The following ASTN2 variants were observed in gnomAD, a reference collection of about 807,000 sequenced individuals.
The protein encoded by ASTN2 is astrotactin-2.
A neutral mutation model predicts 139.8 loss-of-function variants in ASTN2; 54 were observed. The ratio of observed to expected loss-of-function variants is 0.39; its 90% CI spans 0.31 to 0.48. The LOEUF (loss-of-function observed/expected upper bound fraction) is 0.48, where lower values mean the gene tolerates loss of function less well. Ranked by LOEUF, ASTN2 falls within the 20% of genes least tolerant of loss-of-function variation. The pLI is 0.95. For synonymous variants in ASTN2, 756 were observed against 719.5 expected, an observed-to-expected ratio of 1.05 and a Z score of -0.81; for missense variants, 1,565 against 1,725.1, an observed-to-expected ratio of 0.91 and a Z score of 1.64.
intron 10 of ASTN2, among the ~76,000 whole-genome samples, chr9:116,966,087 A>G (rs1836003146): frequency 6.6e-6 from 1 of 152,114 alleles, no homozygotes; most frequent in African/African-American, 2.4e-5. Context: ...CCAAAATCAT[A>G]CTTTCATGTG....
At chr9:116,775,765 G>A (rs1322038002) in intron 13 of ASTN2, among the ~76,000 whole-genome samples, 1 of 107,708 alleles carries the variant, frequency 9.3e-6, no homozygotes, top group Non-Finnish European at 2.0e-5. Flanking sequence ...GGAGGGAGGA[G>A]GAAAGGGGGA....
intron 2 of ASTN2, among the ~76,000 whole-genome samples, chr9:117,251,907 G>A (rs1322638791): frequency 6.6e-6 from 1 of 152,156 alleles, no homozygotes; most frequent in Non-Finnish European, 1.5e-5. Context: ...CAGGAATTGG[G>A]AGCTCACTAA....
At chr9:117,182,767 AGTGTCTCG>A (rs1831106929) in intron 3 of ASTN2, among the ~76,000 whole-genome samples, 1 of 151,800 alleles carries the variant, frequency 6.6e-6, no homozygotes, top group Non-Finnish European at 1.5e-5. Context: ...TTCAGCTTGC[AGTGTCTCG>A]GTGCCCCCAT....
At chr9:116,732,741 A>G (rs1432348646) in intron 14 of ASTN2, among the ~76,000 whole-genome samples, 1 of 152,206 alleles carries the variant, frequency 6.6e-6, no homozygotes, top group Non-Finnish European at 1.5e-5. Flanking sequence ...CCCAGTGGAG[A>G]GAGAAAGTGG....
chr9:116,444,657 T>C (rs1847932572), intron 20 of ASTN2, among the ~76,000 whole-genome samples: 1 of 152,082 alleles, frequency 6.6e-6, no homozygotes, highest in Non-Finnish European at 1.5e-5. Context: ...AACTTCTTGG[T>C]ACAAAGGAAG....
chr9:116,542,472 G>T (rs980210126), intron 19 of ASTN2, among the ~76,000 whole-genome samples: 1 of 151,716 alleles, frequency 6.6e-6, no homozygotes, highest in South Asian at 2.1e-4. Flanking sequence ...TCATTGCAAG[G>T]GTATTAGAAA....
At chr9:117,354,689 C>T (rs1587975606) in intron 1 of ASTN2, among the ~76,000 whole-genome samples, 1 of 151,716 alleles carries the variant, frequency 6.6e-6, no homozygotes, top group South Asian at 2.1e-4. Flanking sequence ...AGACTCCATC[C>T]CTCCTCCTTC....
intron 20 of ASTN2, among the ~76,000 whole-genome samples, chr9:116,449,527 T>C (rs894726557): frequency 6.6e-6 from 1 of 152,216 alleles, no homozygotes; most frequent in African/African-American, 2.4e-5. Flanking sequence ...GTTAGCATAA[T>C]TGTTATTCAA....
intron 10 of ASTN2, among the ~76,000 whole-genome samples, chr9:116,943,319 TAA>T (rs1000153487): frequency 2.0e-5 from 3 of 152,032 alleles, no homozygotes; most frequent in Non-Finnish European, 4.4e-5. Flanking sequence ...AGGCTCAGAG[TAA>T]AGAGACACAG....
chr9:117,291,222 G>T lies in ASTN2; in HGVS notation c.630+104C>A, dbSNP rs893269532. On this transcript the variant is annotated intron_variant, in intron 2 of 22. Transcript: ENST00000313400. The stretch of plus-strand genomic sequence containing the variant: ...TTTCTCATTCTAACCTCTTGAGTTT[G>T]GTTCTTTCCTTCCATCTGTGGACAA... The T allele has an allele frequency of 7.9e-5, 111 of 1,406,542 alleles. 1 individual carries two copies. Among genetic ancestry groups the T allele is most frequent in the Non-Finnish European group, 9.2e-5 (95 of 1,033,202 alleles). 87.1% of individuals were successfully genotyped at this position (1,406,542 alleles called of 1,614,324 possible).
At chr9:117,367,406 C>G (rs754153953) in intron 1 of ASTN2, among the ~76,000 whole-genome samples, 7 of 152,164 alleles carry the variant, frequency 4.6e-5, no homozygotes, top group Admixed American at 2.0e-4. Flanking sequence ...CACTTACCAG[C>G]TCTGTGACCA....
At chr9:116,515,816 G>T (rs1339136256) in intron 19 of ASTN2, among the ~76,000 whole-genome samples, 1 of 152,142 alleles carries the variant, frequency 6.6e-6, no homozygotes, top group African/African-American at 2.4e-5. Flanking sequence ...TAATAAAGAT[G>T]AAACATTTAA....
At chr9:117,189,410 T>G (rs577001034) in intron 3 of ASTN2, among the ~76,000 whole-genome samples, 1 of 152,128 alleles carries the variant, frequency 6.6e-6, no homozygotes, top group Non-Finnish European at 1.5e-5. Context: ...AGAAACAGAA[T>G]GTCCACATCA....
At chr9:117,138,278 T>C (rs1406534535) in intron 4 of ASTN2, among the ~76,000 whole-genome samples, 1 of 152,060 alleles carries the variant, frequency 6.6e-6, no homozygotes, top group East Asian at 1.9e-4. Flanking sequence ...TGGGTAGTCA[T>C]GGAAGTTGGT....
At chr9:117,268,736 G>A (rs572601750) in intron 2 of ASTN2, among the ~76,000 whole-genome samples, 11 of 152,290 alleles carry the variant, frequency 7.2e-5, no homozygotes, top group African/African-American at 2.6e-4. Flanking sequence ...ACAGATCGGG[G>A]TTTGAAATCT....
At chr9:117,062,056 G>T (rs547486059) in intron 5 of ASTN2, among the ~76,000 whole-genome samples, 3 of 152,276 alleles carry the variant, frequency 2.0e-5, no homozygotes, top group Admixed American at 6.5e-5. Flanking sequence ...GGGATCTCAC[G>T]CAAGGTTTGA....
intron 10 of ASTN2, among the ~76,000 whole-genome samples, chr9:116,868,791 C>T (rs1025475548): frequency 6.6e-6 from 1 of 152,234 alleles, no homozygotes; most frequent in East Asian, 1.9e-4. Flanking sequence ...TGGCTCCCAG[C>T]CATGCTTAGC....
intron 3 of ASTN2, among the ~76,000 whole-genome samples, chr9:117,150,399 C>T (rs1425677598): frequency 6.6e-6 from 1 of 152,184 alleles, no homozygotes; most frequent in Non-Finnish European, 1.5e-5. Flanking sequence ...AAAGGTTGGG[C>T]TGGAGTTGAT....
intron 4 of ASTN2, among the ~76,000 whole-genome samples, chr9:117,098,577 A>T (rs1454643347): frequency 6.6e-6 from 1 of 152,026 alleles, no homozygotes; most frequent in Non-Finnish European, 1.5e-5. Flanking sequence ...CACTTCCCCA[A>T]TCCCCAGCAA....
Sources: gnomAD v4.1 joint callset for allele counts (sites outside exome capture counted in the v4.1 genomes callset) on GRCh38, gnomAD v4.1.1 for gene constraint, MANE v1.5 for transcripts, NCBI Gene and HGNC (gene_info 2026-07-23, HGNC 2026-07-21) for gene names.